The following RNF180 variants were observed in gnomAD, a reference collection of about 807,000 sequenced individuals.
RNF180 encodes E3 ubiquitin-protein ligase RNF180.
In RNF180, 38 loss-of-function variants were observed where a neutral mutation model predicts 59.2. That is an observed-to-expected ratio of 0.64 (90% confidence interval 0.50 to 0.84). The LOEUF (loss-of-function observed/expected upper bound fraction) is 0.84. Among genes scored for constraint, RNF180 ranks in the 40% least tolerant of loss-of-function variants. The pLI, the probability that RNF180 is intolerant of heterozygous loss-of-function variation, is 0.00. For synonymous variants in RNF180, 262 were observed against 240.3 expected (o/e 1.09, Z -0.84); for missense variants, 705 against 700.9 (o/e 1.01, Z -0.07).
chr5:64,347,527 A>G (rs1275959820), intron 7 of RNF180, among the ~76,000 whole-genome samples: 1 of 152,180 alleles, frequency 6.6e-6, no homozygotes, highest in African/African-American at 2.4e-5. Context: ...TGGTGGAGCT[A>G]CTACCATGAT....
chr5:64,226,549 A>G (rs1257406113), intron 5 of RNF180, among the ~76,000 whole-genome samples: 1 of 152,162 alleles, frequency 6.6e-6, no homozygotes, highest in Non-Finnish European at 1.5e-5. Context: ...ACCTCTGCCT[A>G]GGAAAACCAG....
chr5:64,319,655 G>A (rs989387404), intron 5 of RNF180, among the ~76,000 whole-genome samples: 1 of 152,202 alleles, frequency 6.6e-6, no homozygotes, highest in South Asian at 2.1e-4. Flanking sequence ...GAGGTCATAA[G>A]TACATCATGT....
At chr5:64,279,258 C>T (rs1741881748) in intron 5 of RNF180, among the ~76,000 whole-genome samples, 1 of 152,062 alleles carries the variant, frequency 6.6e-6, no homozygotes, top group Admixed American at 6.6e-5. Flanking sequence ...ACAATGAGAA[C>T]TAAAAATAGA....
chr5:64,304,621 A>G (rs1188670782), intron 5 of RNF180, among the ~76,000 whole-genome samples: 1 of 151,698 alleles, frequency 6.6e-6, no homozygotes, highest in Non-Finnish European at 1.5e-5. Flanking sequence ...ATCTCATGAT[A>G]CAATTTGAAA....
intron 5 of RNF180, among the ~76,000 whole-genome samples, chr5:64,266,491 G>T (rs980730364): frequency 2.0e-5 from 3 of 152,062 alleles, no homozygotes; most frequent in Non-Finnish European, 4.4e-5. Flanking sequence ...TTGTTGCTAA[G>T]GGAATGACCC....
At chr5:64,339,953 A>G (rs1331701359) in intron 7 of RNF180, among the ~76,000 whole-genome samples, 1 of 152,198 alleles carries the variant, frequency 6.6e-6, no homozygotes, top group African/African-American at 2.4e-5. Context: ...AATGTGAGCT[A>G]TCACTCTTTA....
chr5:64,317,305 AG>A (rs1440210562), intron 5 of RNF180, among the ~76,000 whole-genome samples: 1 of 152,094 alleles, frequency 6.6e-6, no homozygotes, highest in Non-Finnish European at 1.5e-5. Flanking sequence ...ACTGTTCTGT[AG>A]TCTATTAAGT....
At chr5:64,309,931 C>G (rs1321204664) in intron 5 of RNF180, among the ~76,000 whole-genome samples, 1 of 151,396 alleles carries the variant, frequency 6.6e-6, no homozygotes, top group Non-Finnish European at 1.5e-5. Flanking sequence ...GGAACAAAGG[C>G]CTAGAGAATT....
At chr5:64,290,825 T>TC (rs1313690645) in intron 5 of RNF180, among the ~76,000 whole-genome samples, 1 of 152,234 alleles carries the variant, frequency 6.6e-6, no homozygotes, top group African/African-American at 2.4e-5. Flanking sequence ...TCACTCTTTA[T>TC]CCAGCTTGCC....
intron 5 of RNF180, among the ~76,000 whole-genome samples, chr5:64,312,519 G>C (rs1743818239): frequency 6.6e-6 from 1 of 151,986 alleles, no homozygotes; most frequent in Non-Finnish European, 1.5e-5. Flanking sequence ...GGGAAGTGGA[G>C]GGGAGCATCT....
At chr5:64,169,731 C>T (rs1485993537) in intron 1 of RNF180, among the ~76,000 whole-genome samples, 1 of 152,208 alleles carries the variant, frequency 6.6e-6, no homozygotes, top group Non-Finnish European at 1.5e-5. Flanking sequence ...GCAAAGACTC[C>T]TCGCTCTTTG....
At chr5:64,299,490 A>G (rs1261244762) in intron 5 of RNF180, among the ~76,000 whole-genome samples, 1 of 151,988 alleles carries the variant, frequency 6.6e-6, no homozygotes, top group Non-Finnish European at 1.5e-5. Flanking sequence ...TTTTAAAATA[A>G]CAAATGTGCT....
At chr5:64,321,059 AATT>A (rs1744321597) in intron 5 of RNF180, among the ~76,000 whole-genome samples, 1 of 152,032 alleles carries the variant, frequency 6.6e-6, no homozygotes, top group Non-Finnish European at 1.5e-5. Context: ...GGGAAAGAAA[AATT>A]ATGAATGGGC....
intron 1 of RNF180, among the ~76,000 whole-genome samples, chr5:64,200,164 T>C (rs1374428726): frequency 1.3e-5 from 2 of 152,120 alleles, no homozygotes; most frequent in African/African-American, 4.8e-5. Flanking sequence ...GATGCAGTGG[T>C]TCACGCCTGT....
chr5:64,285,397 T>TGCCA (rs1742226980), intron 5 of RNF180, among the ~76,000 whole-genome samples: 1 of 151,964 alleles, frequency 6.6e-6, no homozygotes, highest in Non-Finnish European at 1.5e-5. Flanking sequence ...CTTGCACAGA[T>TGCCA]GCCAGCGGGG....
In RNF180 at chr5:64,307,165, G is replaced by T. The variant is rs577894987; in HGVS notation, c.1228-18021G>T. Among the ~76,000 whole-genome samples the T allele has an allele frequency of 8.7e-5, 13 of 148,976 alleles. 2 individuals are homozygous for T. Among genetic ancestry groups the T allele is most frequent in the African/African-American group, 3.2e-4 (13 of 40,464 alleles). On this transcript the variant is annotated intron_variant, in intron 5 of 7. Coordinates refer to ENST00000389100, the MANE Select transcript of RNF180 (RefSeq NM_001113561.2). ...TTGCAGGCATTAATAACCAATTATGGCTCTTTCCCATCTAGTATAAGACAA... is the reference window on the plus strand; with the variant it reads ...TTGCAGGCATTAATAACCAATTATGTCTCTTTCCCATCTAGTATAAGACAA...
chr5:64,259,941 T>A (rs1206577386), intron 5 of RNF180, among the ~76,000 whole-genome samples: 1 of 151,888 alleles, frequency 6.6e-6, no homozygotes, highest in Admixed American at 6.6e-5. Context: ...AACAAAAAAA[T>A]TAAAAAAATT....
intron 5 of RNF180, among the ~76,000 whole-genome samples, chr5:64,280,405 T>C (rs1020042005): frequency 4.6e-5 from 7 of 152,170 alleles, no homozygotes; most frequent in African/African-American, 1.7e-4. Context: ...ACCAGAATGG[T>C]ATTTCCTAAG....
chr5:64,165,400 A>C (rs1274662220), upstream of RNF180, among the ~76,000 whole-genome samples: 2 of 152,144 alleles, frequency 1.3e-5, no homozygotes, highest in African/African-American at 2.4e-5. Context: ...GAAGATAGTG[A>C]TATACGAAGG....
Sources: gnomAD v4.1 joint callset for allele counts (sites outside exome capture counted in the v4.1 genomes callset) on GRCh38, gnomAD v4.1.1 for gene constraint, MANE v1.5 for transcripts, NCBI Gene and HGNC (gene_info 2026-07-23, HGNC 2026-07-21) for gene names.